The following SKP1 variants were observed in gnomAD, a reference collection of about 807,000 sequenced individuals.
SKP1 encodes S-phase kinase associated protein 1.
Under a neutral mutation model 21.5 loss-of-function variants are expected in SKP1, and 1 was observed. That is an observed-to-expected ratio of 0.05 (90% CI 0.02 to 0.22). The LOEUF (loss-of-function observed/expected upper bound fraction) is 0.22, where lower values mean the gene tolerates loss of function less well. SKP1 is among the 10% of genes least tolerant of loss of function. The pLI, the probability that SKP1 is intolerant of heterozygous loss-of-function variation, is 1.00. For missense variants in SKP1, 70 were observed against 192.0 expected, an observed-to-expected ratio of 0.36 and a Z score of 3.76; for synonymous variants, 59 against 59.3, an observed-to-expected ratio of 0.99 and a Z score of 0.03.
rs1355697749 is a variant in SKP1 at position 134,155,952 on chromosome 5, ACTG to A, written c.*1778_*1780del. On this transcript the variant is annotated 3_prime_UTR_variant, in exon 6 of 6. Coordinates refer to ENST00000353411, the MANE Select transcript of SKP1 (RefSeq NM_170679.3). ...TGGGATTATAGGCATGCACCATATG[ACTG>A]CTAATTTTTTTTTTTTTTTTTGGAG... is the stretch of plus-strand genomic sequence containing the variant. The A allele has an allele frequency of 1.3e-5, 2 of 149,590 alleles. No homozygotes were observed. Among genetic ancestry groups the A allele is most frequent in the African/African-American group, 2.5e-5 (1 of 40,734 alleles). 9.3% of individuals were successfully genotyped at this position (149,590 alleles called of 1,614,324 possible).
chr5:134,168,668 A>C (rs1193332835), intron 2 of SKP1, among the ~76,000 whole-genome samples: 1 of 152,088 alleles, frequency 6.6e-6, no homozygotes, highest in Non-Finnish European at 1.5e-5. Flanking sequence ...GTAAGAAATG[A>C]CCTAATTCTG....
intron 2 of SKP1, among the ~76,000 whole-genome samples, chr5:134,170,569 AC>A (rs1337326130): frequency 1.3e-5 from 2 of 152,202 alleles, no homozygotes; most frequent in Non-Finnish European, 2.9e-5. Flanking sequence ...AACCAGAGAT[AC>A]TGCAGGTGGA....
intron 2 of SKP1, among the ~76,000 whole-genome samples, chr5:134,168,729 G>C (rs1761382411): frequency 6.6e-6 from 1 of 152,090 alleles, no homozygotes. Flanking sequence ...ATGGCAAGTA[G>C]AATGTGAAAA....
chr5:134,174,543 G>A, intron 1 of SKP1: 1 of 832,838 alleles, frequency 1.2e-6, no homozygotes, highest in Admixed American at 6.2e-5. Context: ...ATATACAAGA[G>A]AATAAAATGA....
intron 5 of SKP1, 120 bp downstream of exon 5, chr5:134,158,335 T>C: frequency 6.3e-7 from 1 of 1,582,116 alleles, no homozygotes; most frequent in Non-Finnish European, 8.6e-7. Flanking sequence ...ACACATTAAG[T>C]ACATATTATC....
chr5:134,165,210 G>A (rs544798045), intron 3 of SKP1, among the ~76,000 whole-genome samples: 10 of 152,054 alleles, frequency 6.6e-5, no homozygotes, highest in African/African-American at 9.7e-5. Context: ...AATGGTGCAC[G>A]TTCAAAAAGT....
intron 2 of SKP1, among the ~76,000 whole-genome samples, chr5:134,168,493 A>G (rs1761376513): frequency 6.6e-6 from 1 of 152,206 alleles, no homozygotes; most frequent in African/African-American, 2.4e-5. Flanking sequence ...AAATTATCCG[A>G]ATAAAAACAG....
In SKP1 at chr5:134,155,710, A is replaced by C. The variant is rs922918909; in HGVS notation, c.*2023T>G. 1 of 152,216 alleles carries C rather than the reference A, an allele frequency of 6.6e-6. No individual in the cohort carries two copies. The highest frequency in any genetic ancestry group is 2.4e-5 in the African/African-American group (1 of 41,450). 9.4% of individuals were successfully genotyped at this position (152,216 alleles called of 1,614,324 possible). A position where few individuals can be genotyped will look rare whatever the true frequency, so the allele number is the denominator to read the frequency against. Reference sequence around the variant, plus strand: ...ACAAGCTCCAGTTTCTTAGAAGGTGATACTTCCTTTACAAGTTAAACATGG... The same window carrying C: ...ACAAGCTCCAGTTTCTTAGAAGGTGCTACTTCCTTTACAAGTTAAACATGG... On this transcript the variant is annotated 3_prime_UTR_variant, in exon 6 of 6. Transcript: ENST00000353411.
At chr5:134,159,929 C>T (rs1055684404) in intron 4 of SKP1, among the ~76,000 whole-genome samples, 3 of 151,736 alleles carry the variant, frequency 2.0e-5, no homozygotes, top group Non-Finnish European at 2.9e-5. Flanking sequence ...GTGATCCACC[C>T]GCCTCACCCT....
intron 3 of SKP1, among the ~76,000 whole-genome samples, chr5:134,166,853 G>A (rs1346288044): frequency 1.3e-5 from 2 of 152,196 alleles, no homozygotes; most frequent in Admixed American, 1.3e-4. Flanking sequence ...CAAAATTTAG[G>A]TATATAAGCC....
intron 3 of SKP1, among the ~76,000 whole-genome samples, chr5:134,163,338 G>A (rs1761258057): frequency 1.3e-5 from 2 of 150,576 alleles, no homozygotes; most frequent in Admixed American, 1.3e-4. Context: ...CAGTAAAAAA[G>A]AAAAACAAAA....
rs991655546 is a variant in SKP1, at chr5:134,154,227, C to T, written c.*3506G>A. 1 of 151,988 alleles carries T rather than the reference C, an allele frequency of 6.6e-6. No individual in the cohort carries two copies. Among genetic ancestry groups the T allele is most frequent in the Non-Finnish European group, 1.5e-5 (1 of 68,008 alleles). 9.4% of individuals were successfully genotyped at this position (151,988 alleles called of 1,614,324 possible). A position where few individuals can be genotyped will look rare whatever the true frequency, so the allele number is the denominator to read the frequency against. Reference sequence around the variant, plus strand: ...CTTTCGGAGGCTAAGGCGGGCGGATCACAAGGTCAGGAGTTCAAGACCAGC... The same window carrying T: ...CTTTCGGAGGCTAAGGCGGGCGGATTACAAGGTCAGGAGTTCAAGACCAGC... On this transcript the variant is annotated 3_prime_UTR_variant, in exon 6 of 6. Coordinates refer to ENST00000353411, the MANE Select transcript of SKP1 (RefSeq NM_170679.3).
intron 3 of SKP1, among the ~76,000 whole-genome samples, chr5:134,162,390 C>A (rs1761236671): frequency 6.6e-6 from 1 of 152,130 alleles, no homozygotes; most frequent in Admixed American, 6.5e-5. Flanking sequence ...CTGTGCCTGG[C>A]CAGCGAAAGG....
intron 3 of SKP1, among the ~76,000 whole-genome samples, chr5:134,162,051 C>T (rs1363504780): frequency 2.0e-5 from 3 of 149,700 alleles, no homozygotes; most frequent in African/African-American, 7.4e-5. Flanking sequence ...GAAACATTGC[C>T]AGGATCCAAA....
At chr5:134,173,329 C>T (rs756673791) in intron 2 of SKP1, 1 of 171,542 alleles carries the variant, frequency 5.8e-6, no homozygotes, top group Non-Finnish European at 1.3e-5. Flanking sequence ...CAAAAAAATC[C>T]GTCTCAAAAA....
At chr5:134,158,664 G>A in intron 4 of SKP1, 69 bp from the exon 5 acceptor site, 1 of 1,279,828 alleles carries the variant, frequency 7.8e-7, no homozygotes, top group Non-Finnish European at 1.1e-6. Context: ...GTTAATGATT[G>A]ACACTCCGTA....
In SKP1 at chr5:134,158,610, T is replaced by A; in HGVS notation, c.316-15A>T. On this transcript the variant is annotated splice_polypyrimidine_tract_variant and intron_variant, in intron 4 of 5. Transcript: ENST00000353411. Reference sequence around the variant, plus strand: ...TAGTTTGCAGCCTGTAAAGAGACAGTTGTTTTCCTTAAAGTATACTTGATG... The same window carrying A: ...TAGTTTGCAGCCTGTAAAGAGACAGATGTTTTCCTTAAAGTATACTTGATG... The A allele has an allele frequency of 6.2e-7, 1 of 1,609,964 alleles. No homozygotes were observed. The highest frequency in any genetic ancestry group is 8.5e-7 in the Non-Finnish European group (1 of 1,177,618).
At chr5:134,174,330 C>T (rs2149377830) in intron 1 of SKP1, 1 of 261,760 alleles carries the variant, frequency 3.8e-6, no homozygotes, top group Non-Finnish European at 7.1e-6. Context: ...TGCCTTTCGT[C>T]TCCCACTGAA....
intron 3 of SKP1, among the ~76,000 whole-genome samples, chr5:134,162,234 G>C (rs943196212): frequency 6.6e-6 from 1 of 152,100 alleles, no homozygotes; most frequent in Non-Finnish European, 1.5e-5. Context: ...CCAAGTAGCT[G>C]CAACTACAGG....
Sources: gnomAD v4.1 joint callset for allele counts (sites outside exome capture counted in the v4.1 genomes callset) on GRCh38, gnomAD v4.1.1 for gene constraint, MANE v1.5 for transcripts, NCBI Gene and HGNC (gene_info 2026-07-23, HGNC 2026-07-21) for gene names.